Variants in SERPINA9 observed in about 807,000 individuals in gnomAD.
SERPINA9 encodes serpin A9.
In SERPINA9, 32 loss-of-function variants were observed where a neutral mutation model predicts 24.5. The observed-to-expected ratio is 1.30, with a 90% CI of 0.98 to 1.75. The LOEUF (loss-of-function observed/expected upper bound fraction) is 1.75. Ranked by LOEUF, SERPINA9 falls within the 40% of genes most tolerant of loss-of-function variation. The probability of loss-of-function intolerance (pLI) is 0.00; values close to 1 mark genes in which losing one functional copy is unlikely to be tolerated. For missense variants in SERPINA9, 594 were observed against 497.1 expected (o/e 1.19, Z -1.85); for synonymous variants, 233 against 197.7 (o/e 1.18, Z -1.50).
intron 2 of SERPINA9, 104 bp downstream of exon 2, chr14:94,469,109 C>T (rs1269471373): frequency 9.8e-7 from 1 of 1,021,630 alleles, no homozygotes; most frequent in African/African-American, 1.6e-5. Context: ...CCCATTTCTC[C>T]ACCCTGCAGT....
chr14:94,472,233 C>T (rs188208824), intron 1 of SERPINA9, among the ~76,000 whole-genome samples: 211 of 152,306 alleles, frequency 1.4e-3, no homozygotes, highest in African/African-American at 4.8e-3. Flanking sequence ...GTCCACCTCC[C>T]TCCCTTCTCT....
intron 1 of SERPINA9, among the ~76,000 whole-genome samples, chr14:94,470,984 G>A (rs529600738): frequency 6.6e-6 from 1 of 152,292 alleles, no homozygotes; most frequent in African/African-American, 2.4e-5. Context: ...GGCCAGGGGA[G>A]GTCTGTGCTC....
intron 1 of SERPINA9, among the ~76,000 whole-genome samples, chr14:94,475,597 T>C (rs1899571849): frequency 1.3e-5 from 2 of 151,956 alleles, no homozygotes; most frequent in Admixed American, 6.6e-5. Context: ...CCCCTACACC[T>C]CCACTCCACC....
At chr14:94,476,069 A>G (rs1899633622) in intron 1 of SERPINA9, 67 bp downstream of exon 1, 1 of 1,612,214 alleles carries the variant, frequency 6.2e-7, no homozygotes, top group Admixed American at 1.7e-5. Flanking sequence ...CCATGCTCTG[A>G]TCCAGTCCTT....
At chr14:94,467,478 A>C in intron 2 of SERPINA9, 96 bp from the exon 3 acceptor site, 1 of 1,220,096 alleles carries the variant, frequency 8.2e-7, no homozygotes, top group Non-Finnish European at 1.1e-6. Context: ...AGTGGGTATG[A>C]GGTTTCTTTT....
At chr14:94,468,954 C>T (rs1335172598) in intron 2 of SERPINA9, among the ~76,000 whole-genome samples, 1 of 152,148 alleles carries the variant, frequency 6.6e-6, no homozygotes, top group Non-Finnish European at 1.5e-5. Flanking sequence ...GTGGGTTTCC[C>T]ACTGAGTCAA....
intron 4 of SERPINA9, 30 bp downstream of exon 4, chr14:94,464,677 C>T: frequency 6.3e-7 from 1 of 1,583,328 alleles, no homozygotes; most frequent in Non-Finnish European, 8.6e-7. Context: ...CCAGCTTGGA[C>T]TTTTTTGCAA....
chr14:94,472,442 C>T (rs1412110839), intron 1 of SERPINA9, among the ~76,000 whole-genome samples: 1 of 152,250 alleles, frequency 6.6e-6, no homozygotes, highest in Admixed American at 6.5e-5. Flanking sequence ...TCTCTTCTGG[C>T]ACTTCTGAAA....
intron 2 of SERPINA9, among the ~76,000 whole-genome samples, chr14:94,468,536 C>T (rs1379622644): frequency 6.6e-6 from 1 of 152,290 alleles, no homozygotes; most frequent in South Asian, 2.1e-4. Flanking sequence ...GAGACTGGCA[C>T]AGGTCAGGCA....
Position 94,469,470 on chromosome 14 carries a change from G to A in SERPINA9, c.371C>T (p.Pro124Leu), listed in dbSNP as rs35347445. 17,497 of 1,614,148 alleles carry A rather than the reference G, an allele frequency of 0.011. 115 individuals carry two copies. Among genetic ancestry groups the A allele is most frequent in the Non-Finnish European group, 0.013 (15,349 of 1,180,030 alleles). ...CATCTTCAAGGTCAGGTCTTTGCTG[G>A]GAACAGTCAGTGAGTGAACCAGGTG... ...FQHLVHSLTV[P>L]SKDLTLKMGS... The change falls in exon 2 of 5, where the codon CCC becomes CTC. Residue 124 changes from proline to leucine, a missense_variant. Transcript: ENST00000674397.
intron 2 of SERPINA9, among the ~76,000 whole-genome samples, chr14:94,468,761 G>A (rs912039552): frequency 6.6e-6 from 1 of 152,264 alleles, no homozygotes; most frequent in African/African-American, 2.4e-5. Flanking sequence ...TAAGGGATAC[G>A]AATGACAGGC....
intron 3 of SERPINA9, 107 bp downstream of exon 3, chr14:94,467,002 C>T (rs1899032178): frequency 1.6e-6 from 2 of 1,275,248 alleles, no homozygotes; most frequent in Admixed American, 2.2e-5. Context: ...AGTTGGTGCT[C>T]ACTGTGCAGA....
At chr14:94,475,055 A>G (rs1899518384) in intron 1 of SERPINA9, among the ~76,000 whole-genome samples, 1 of 151,844 alleles carries the variant, frequency 6.6e-6, no homozygotes, top group African/African-American at 2.4e-5. Flanking sequence ...CCCATCCCCT[A>G]TCTTCGTTTG....
In SERPINA9 at chr14:94,467,349, G is replaced by T; in HGVS notation, c.662C>A (p.Thr221Lys). ...KWEKPFHPEY[T>K]RKNFPFLVGE... ...CACCAGGAATGGGAAGTTCTTTCTT[G>T]TATATTCAGGGTGAAAGGGCTTCTC... The change falls in exon 3 of 5, where the codon ACA (threonine) becomes AAA (lysine). Residue 221 changes from threonine to lysine, a missense_variant. Coordinates refer to ENST00000674397, the MANE Select transcript of SERPINA9 (RefSeq NM_175739.4). 3.7e-6 allele frequency: 6 copies of T among 1,613,332 alleles called. No homozygotes were observed. The highest frequency in any genetic ancestry group is 1.1e-5 in the South Asian group (1 of 91,024).
At chr14:94,463,988 T>C (rs961580263) in intron 4 of SERPINA9, among the ~76,000 whole-genome samples, 3 of 152,212 alleles carry the variant, frequency 2.0e-5, no homozygotes, top group African/African-American at 7.2e-5. Flanking sequence ...TAATCCACTA[T>C]CAAAATAAAA....
At chr14:94,465,955 A>T (rs1464594942) in intron 3 of SERPINA9, among the ~76,000 whole-genome samples, 1 of 152,200 alleles carries the variant, frequency 6.6e-6, no homozygotes, top group Non-Finnish European at 1.5e-5. Context: ...GAAAGCACAA[A>T]AATATTGGAT....
At chr14:94,476,027 T>C in intron 1 of SERPINA9, 109 bp downstream of exon 1, 1 of 1,539,922 alleles carries the variant, frequency 6.5e-7, no homozygotes, top group Admixed American at 1.8e-5. Flanking sequence ...TCTCATCTTA[T>C]TTGACTTCCC....
At chr14:94,473,599 T>C (rs1019557000) in intron 1 of SERPINA9, among the ~76,000 whole-genome samples, 2 of 151,444 alleles carry the variant, frequency 1.3e-5, no homozygotes, top group Non-Finnish European at 2.9e-5. Flanking sequence ...AATATAAGAC[T>C]GAAACCCTGA....
chr14:94,475,453 CA>C (rs1270757598), intron 1 of SERPINA9, among the ~76,000 whole-genome samples: 1 of 152,062 alleles, frequency 6.6e-6, no homozygotes, highest in Non-Finnish European at 1.5e-5. Flanking sequence ...CACACACACA[CA>C]CACACACACT....
Sources: allele counts gnomAD v4.1 joint callset (sites outside exome capture counted in the v4.1 genomes callset), GRCh38; gene constraint gnomAD v4.1.1; transcripts MANE v1.5; gene names NCBI Gene and HGNC (gene_info 2026-07-23, HGNC 2026-07-21).